The following CALB2 variants were observed in gnomAD, a reference collection of about 807,000 sequenced individuals.
CALB2 encodes calretinin.
CALB2 carries 34 observed loss-of-function variants against 45.9 expected under a neutral mutation model. That is an observed-to-expected ratio of 0.74 (90% CI 0.56 to 0.99). The LOEUF (loss-of-function observed/expected upper bound fraction) is 0.99, where lower values mean the gene tolerates loss of function less well. Ranked by LOEUF, CALB2 falls within the 50% of genes least tolerant of loss-of-function variation. The pLI is 0.00. For synonymous variants in CALB2, 142 were observed against 129.6 expected, an observed-to-expected ratio of 1.10 and a Z score of -0.65; for missense variants, 344 against 339.3, an observed-to-expected ratio of 1.01 and a Z score of -0.11.
chr16:71,366,018 C>CTTTTTTTT (rs1567534804), intron 1 of CALB2, among the ~76,000 whole-genome samples: 1 of 28,746 alleles, frequency 3.5e-5, no homozygotes, highest in Admixed American at 5.6e-4. Context: ...TCTTCCCTCT[C>CTTTTTTTT]TCTCTCTTTT....
intron 9 of CALB2, chr16:71,385,327 T>C (rs12925320): frequency 0.84 from 375,863 of 445,660 alleles, 159,868 homozygotes; most frequent in African/African-American, 0.94. Flanking sequence ...GCTTCTTGAA[T>C]CTCACTTAAA....
intron 1 of CALB2, among the ~76,000 whole-genome samples, chr16:71,363,902 A>C (rs2042256891): frequency 6.6e-6 from 1 of 152,106 alleles, no homozygotes; most frequent in South Asian, 2.1e-4. Flanking sequence ...CTTTCTCTGA[A>C]CCCTGTTAGT....
chr16:71,367,294 C>G (rs1343932620), intron 1 of CALB2, among the ~76,000 whole-genome samples: 3 of 150,432 alleles, frequency 2.0e-5, no homozygotes, highest in Non-Finnish European at 4.5e-5. Context: ...GTAACCACGT[C>G]TTTATCGATG....
In CALB2 at chr16:71,384,359, ACTTCCTG is replaced by A; in HGVS notation, c.558_564del (p.Phe186LeufsTer6). 6.2e-7 allele frequency: 1 copy of A among 1,612,654 alleles called. No individual in the cohort carries two copies. The highest frequency in any genetic ancestry group is 8.5e-7 in the Non-Finnish European group (1 of 1,179,522). ...CCCAGACTCCTGCCTGTCCAGGAAAACTTCCTGCTTAAATTTCAGGTAAAACTTTGCT... is the reference window on the plus strand; with the variant it reads ...CCCAGACTCCTGCCTGTCCAGGAAAACTTAAATTTCAGGTAAAACTTTGCT... On this transcript the variant is annotated frameshift_variant, in exon 8 of 11. Coordinates refer to ENST00000302628, the MANE Select transcript of CALB2 (RefSeq NM_001740.5). LOFTEE classifies it high-confidence loss of function.
In CALB2 at chr16:71,382,817, T is replaced by C. The variant is rs80320734; in HGVS notation, c.399+42T>C. 11 of 1,569,580 alleles carry C rather than the reference T, an allele frequency of 7.0e-6. No individual in the cohort carries two copies. The African/African-American group carries it at 1.4e-4, about 19-fold the overall frequency. ...GGAGGGTGTGAGGCCAGAGTGGCGGTGGGCTTAAGGTGCCTGAGGAGGGAG... is the reference window on the plus strand; with the variant it reads ...GGAGGGTGTGAGGCCAGAGTGGCGGCGGGCTTAAGGTGCCTGAGGAGGGAG... On this transcript the variant is annotated intron_variant, in intron 5 of 10. Transcript: ENST00000302628.
chr16:71,388,334 C>CAAAAAAAAAAAAAAAAAGAAAAAAA (rs2042593682), intron 10 of CALB2, among the ~76,000 whole-genome samples: 1 of 103,428 alleles, frequency 9.7e-6, no homozygotes, highest in Non-Finnish European at 1.8e-5. Context: ...GACCTTATCT[C>CAAAAAAAAAAAAAAAAAGAAAAAAA]AAAAAAAAAA....
chr16:71,370,199 C>G (rs886363687), intron 1 of CALB2, among the ~76,000 whole-genome samples: 3 of 152,184 alleles, frequency 2.0e-5, no homozygotes, highest in Non-Finnish European at 4.4e-5. Context: ...TCGAGAGTGC[C>G]TCTAAGTTTA....
chr16:71,384,657 CACCACA>C (rs1167807007), intron 8 of CALB2, 120 bp from the exon 9 acceptor site: 194 of 5,130 alleles, frequency 0.038, 1 homozygote, highest in Admixed American at 0.082. Flanking sequence ...ACAGACCACA[CACCACA>C]CACACAACAC....
At chr16:71,376,661 A>G (rs886976597) in intron 3 of CALB2, among the ~76,000 whole-genome samples, 6 of 152,072 alleles carry the variant, frequency 3.9e-5, no homozygotes, top group African/African-American at 1.4e-4. Context: ...ACATACAGCC[A>G]TATACACCCA....
At chr16:71,360,785 C>G (rs1160121119) in intron 1 of CALB2, among the ~76,000 whole-genome samples, 1 of 152,168 alleles carries the variant, frequency 6.6e-6, no homozygotes, top group East Asian at 1.9e-4. Context: ...GACCATGACT[C>G]CCCTTATACA....
intron 1 of CALB2, among the ~76,000 whole-genome samples, chr16:71,360,712 G>A (rs970284154): frequency 6.6e-6 from 1 of 152,136 alleles, no homozygotes; most frequent in Non-Finnish European, 1.5e-5. Context: ...AGATCCTTAC[G>A]TTGATCTGAG....
intron 10 of CALB2, among the ~76,000 whole-genome samples, chr16:71,387,461 C>CT (rs573922741): frequency 0.013 from 1,903 of 142,234 alleles, 31 homozygotes; most frequent in African/African-American, 0.033. Context: ...ACGGAAGGGC[C>CT]TTTTTTTTTT....
intron 4 of CALB2, among the ~76,000 whole-genome samples, chr16:71,380,069 C>T (rs1235127693): frequency 6.6e-6 from 1 of 152,000 alleles, no homozygotes; most frequent in African/African-American, 2.4e-5. Flanking sequence ...GAGCATCATG[C>T]CTGACTCCTT....
At chr16:71,363,196 CT>C (rs2042251341) in intron 1 of CALB2, among the ~76,000 whole-genome samples, 1 of 152,162 alleles carries the variant, frequency 6.6e-6, no homozygotes, top group African/African-American at 2.4e-5. Flanking sequence ...AAAAAAATAA[CT>C]AACTAAATAA....
Position 71,389,917 on chromosome 16 carries a change from C to A in CALB2, c.*52C>A. ...CTCCCCCAAACCCTGCTTCTGCTGC[C>A]CTGATGCGTCTACCCAGACTCAGAG... On this transcript the variant is annotated 3_prime_UTR_variant, in exon 11 of 11. Transcript: ENST00000302628. 1 of 1,269,742 alleles carries A rather than the reference C, an allele frequency of 7.9e-7. No homozygotes were observed. 78.7% of individuals were successfully genotyped at this position (1,269,742 alleles called of 1,614,324 possible).
Position 71,374,626 on chromosome 16 carries a change from CACA to C in CALB2, c.172-116_172-114del, listed in dbSNP as rs1479024021. The C allele has an allele frequency of 4.5e-6, 3 of 672,224 alleles. No individual in the cohort carries two copies. The African/African-American group carries it at 5.4e-5, about 12-fold the overall frequency. 41.6% of individuals were successfully genotyped at this position (672,224 alleles called of 1,614,324 possible). On this transcript the variant is annotated intron_variant, in intron 2 of 10. Coordinates refer to ENST00000302628, the MANE Select transcript of CALB2 (RefSeq NM_001740.5). The stretch of plus-strand genomic sequence containing the variant: ...CAGCTCTGATCAATCAGAGCATCAG[CACA>C]ACTTGGTTCTGCACCCACTTACCCA...
intron 1 of CALB2, among the ~76,000 whole-genome samples, chr16:71,359,269 C>A (rs1180089179): frequency 6.6e-6 from 1 of 152,186 alleles, no homozygotes; most frequent in East Asian, 1.9e-4. Context: ...TCCTCCTCTT[C>A]CCCTTTTGTT....
At position 71,390,335 on chromosome 16, in the gene CALB2, C is replaced by A. The variant is rs1360829307; in HGVS notation, c.*470C>A. 6.5e-6 allele frequency: 1 copy of A among 154,298 alleles called. No homozygotes were observed. The highest frequency in any genetic ancestry group is 2.4e-5 in the African/African-American group (1 of 41,514). 9.6% of individuals were successfully genotyped at this position (154,298 alleles called of 1,614,324 possible). A position where few individuals can be genotyped will look rare whatever the true frequency, so the allele number is the denominator to read the frequency against. ...GTGGAAGGCACCCGCCCTTTCCTTG[C>A]CTTCTTTACTCGGCGTGCTCCTTTT... On this transcript the variant is annotated 3_prime_UTR_variant, in exon 11 of 11. Coordinates refer to ENST00000302628, the MANE Select transcript of CALB2 (RefSeq NM_001740.5).
chr16:71,380,898 T>C (rs2042483438), intron 4 of CALB2, among the ~76,000 whole-genome samples: 1 of 152,134 alleles, frequency 6.6e-6, no homozygotes, highest in Non-Finnish European at 1.5e-5. Flanking sequence ...AAAGCCCAGG[T>C]CTCTTGAACT....
Sources: allele counts gnomAD v4.1 joint callset (sites outside exome capture counted in the v4.1 genomes callset), GRCh38; gene constraint gnomAD v4.1.1; transcripts MANE v1.5; gene names NCBI Gene and HGNC (gene_info 2026-07-23, HGNC 2026-07-21).